ATG13: variants seen among roughly 807,000 people sequenced by gnomAD.
ATG13 encodes the protein autophagy related 13.
Under a neutral mutation model 65.5 loss-of-function variants are expected in ATG13, and 23 were observed. The observed-to-expected ratio is 0.35, with a 90% confidence interval of 0.25 to 0.50. ATG13 has a LOEUF of 0.50. ATG13 is among the 20% of genes least tolerant of loss of function. The probability of loss-of-function intolerance (pLI) is 0.98; values close to 1 mark genes in which losing one functional copy is unlikely to be tolerated. For synonymous variants in ATG13, 252 were observed against 245.2 expected (o/e 1.03, Z -0.26); for missense variants, 566 against 677.0 (o/e 0.84, Z 1.82).
At chr11:46,622,121 A>ATTTATT (rs1163406451) in intron 1 of ATG13, among the ~76,000 whole-genome samples, 1 of 81,362 alleles carries the variant, frequency 1.2e-5, no homozygotes, top group African/African-American at 5.8e-5. Flanking sequence ...ATATATATAT[A>ATTTATT]TATATATTTA....
chr11:46,624,092 C>T (rs1317706663), intron 1 of ATG13, among the ~76,000 whole-genome samples: 1 of 151,884 alleles, frequency 6.6e-6, no homozygotes, highest in African/African-American at 2.4e-5. Flanking sequence ...GCAACCTCCA[C>T]CTCCTGGGTT....
At chr11:46,646,995 A>C (rs1257014279) in intron 5 of ATG13, among the ~76,000 whole-genome samples, 1 of 151,648 alleles carries the variant, frequency 6.6e-6, no homozygotes. Context: ...CCTGAGCTCA[A>C]GCGATCTGCC....
chr11:46,625,071 T>C (rs1287238025), intron 1 of ATG13, among the ~76,000 whole-genome samples: 1 of 151,304 alleles, frequency 6.6e-6, no homozygotes, highest in Non-Finnish European at 1.5e-5. Flanking sequence ...CCTGTAATCC[T>C]AATCCCAACA....
intron 10 of ATG13, 151 bp downstream of exon 10, chr11:46,657,773 C>G: frequency 3.1e-6 from 2 of 643,036 alleles, no homozygotes; most frequent in East Asian, 2.9e-5. Flanking sequence ...TCAAATGGGC[C>G]AGTTTCCCTT....
chr11:46,655,227 G>A (rs1592023517), intron 7 of ATG13, among the ~76,000 whole-genome samples: 1 of 152,112 alleles, frequency 6.6e-6, no homozygotes, highest in East Asian at 1.9e-4. Flanking sequence ...GCGAAAACCC[G>A]TCTCTACTAA....
intron 7 of ATG13, 129 bp from the exon 8 acceptor site, chr11:46,656,104 C>T: frequency 2.7e-6 from 2 of 728,288 alleles, no homozygotes; most frequent in Non-Finnish European, 2.3e-6. Flanking sequence ...TACTAATGCT[C>T]CATCAGCAGA....
intron 11 of ATG13, among the ~76,000 whole-genome samples, chr11:46,661,517 CA>C (rs61349471): frequency 0.077 from 8,172 of 106,530 alleles, 698 homozygotes; most frequent in African/African-American, 0.3. Context: ...GACTCCGTCT[CA>C]AAAAAAAAAA....
rs2064050696 is a variant in ATG13 at position 46,672,810 on chromosome 11, T to A, written c.*478T>A. The A allele has an allele frequency of 1.5e-6, 2 of 1,303,036 alleles. No homozygotes were observed. Among genetic ancestry groups the A allele is most frequent in the African/African-American group, 3.0e-5 (2 of 66,454 alleles). 80.7% of individuals were successfully genotyped at this position (1,303,036 alleles called of 1,614,324 possible). ...AGTGCCAGGAGGAAGAAGGAAGGAG[T>A]CCCTTAGCTCTCTTCATTGTCCCCT... is the stretch of plus-strand genomic sequence containing the variant. On this transcript the variant is annotated 3_prime_UTR_variant, in exon 19 of 19. Coordinates refer to ENST00000683050, the MANE Select transcript of ATG13 (RefSeq NM_001346311.2).
In ATG13 at chr11:46,659,457, CCT is replaced by C. The variant is rs752815043; in HGVS notation, c.764_765del (p.Ser255PhefsTer60). On this transcript the variant is annotated frameshift_variant, in exon 11 of 19. Transcript: ENST00000683050. LOFTEE classifies it high-confidence loss of function. ...GAAGACTCTCAAGAAGTGTGTACCA[CCT>C]CTTTTTCCACCTCCCCACCATCCCA... The C allele has an allele frequency of 6.2e-7, 1 of 1,614,052 alleles. No homozygotes were observed. Among genetic ancestry groups the C allele is most frequent in the Admixed American group, 1.7e-5 (1 of 60,026 alleles).
chr11:46,658,645 C>T (rs1432699891), intron 10 of ATG13, among the ~76,000 whole-genome samples: 4 of 151,600 alleles, frequency 2.6e-5, no homozygotes, highest in South Asian at 2.1e-4. Flanking sequence ...AAACAGTTCT[C>T]CTGCCTGAGC....
At chr11:46,656,582 G>A (rs2060089038) in intron 8 of ATG13, among the ~76,000 whole-genome samples, 1 of 152,176 alleles carries the variant, frequency 6.6e-6, no homozygotes, top group African/African-American at 2.4e-5. Context: ...TGAAAAATTG[G>A]AAATGAAACC....
In ATG13 at chr11:46,622,110, TA is replaced by T. The variant is rs1565398350; in HGVS notation, c.-70+4221del. Among the ~76,000 whole-genome samples the T allele has an allele frequency of 4.2e-4, 39 of 93,756 alleles. 1 individual carries two copies. Among genetic ancestry groups the T allele is most frequent in the African/African-American group, 1.4e-3 (34 of 23,630 alleles). The allele number at this position is 93,756 out of a possible 152,430, so 61.5% of individuals were successfully genotyped here. Reference sequence around the variant, plus strand: ...ATATATATATATATATATATATATATATATATATATATATATATTTATTTTA... The same window carrying T: ...ATATATATATATATATATATATATATTATATATATATATATATTTATTTTA... On this transcript the variant is annotated intron_variant, in intron 1 of 18. Coordinates refer to ENST00000683050, the MANE Select transcript of ATG13 (RefSeq NM_001346311.2).
rs969092453 is a variant in ATG13 at position 46,664,223 on chromosome 11, T to C, written c.888+128T>C. The C allele has an allele frequency of 9.8e-6, 7 of 714,150 alleles. No individual in the cohort carries two copies. The African/African-American group carries it at 1.3e-4, about 13-fold the overall frequency. The allele number at this position is 714,150 out of a possible 1,614,324, so 44.2% of individuals were successfully genotyped here. ...TCTGTGGGATTATTTTGAGGCTTGG[T>C]AATAGATTTTAATAGGACACAGCCA... On this transcript the variant is annotated intron_variant, in intron 12 of 18. Transcript: ENST00000683050.
intron 1 of ATG13, among the ~76,000 whole-genome samples, chr11:46,627,344 A>C (rs2050038722): frequency 6.6e-6 from 1 of 152,078 alleles, no homozygotes; most frequent in South Asian, 2.1e-4. Context: ...GCACCACTGC[A>C]CTCCATCCAG....
intron 6 of ATG13, among the ~76,000 whole-genome samples, 165 bp from the exon 7 acceptor site, chr11:46,650,012 G>A (rs1044113632): frequency 1.3e-5 from 2 of 152,152 alleles, no homozygotes; most frequent in Admixed American, 1.3e-4. Flanking sequence ...ATTTGCCTGT[G>A]TCTAGTACAT....
Position 46,647,293 on chromosome 11 carries a change from G to GT in ATG13, c.270+1316dup, listed in dbSNP as rs1174804865. On this transcript the variant is annotated intron_variant, in intron 5 of 18. Coordinates refer to ENST00000683050, the MANE Select transcript of ATG13 (RefSeq NM_001346311.2). ...TTTGTTTTTTTTGTTTTTTTTTTTT[G>GT]TTTTTTTTTTTTGAGACAGAGTCGC... Among the ~76,000 whole-genome samples the GT allele has an allele frequency of 4.4e-3, 482 of 108,848 alleles. 8 individuals are homozygous for GT. Among genetic ancestry groups the GT allele is most frequent in the African/African-American group, 0.014 (401 of 29,418 alleles). 71.4% of individuals were successfully genotyped at this position (108,848 alleles called of 152,430 possible).
At chr11:46,657,402 T>G in intron 9 of ATG13, 122 bp from the exon 10 acceptor site, 1 of 1,047,590 alleles carries the variant, frequency 9.5e-7, no homozygotes, top group Non-Finnish European at 1.5e-6. Context: ...TATTTAGGGA[T>G]TGTGATAGTT....
At chr11:46,658,371 A>G (rs2060448989) in intron 10 of ATG13, among the ~76,000 whole-genome samples, 2 of 152,152 alleles carry the variant, frequency 1.3e-5, no homozygotes, top group Admixed American at 1.3e-4. Context: ...GAAAACCCAG[A>G]TGTGGCTCCA....
At chr11:46,660,386 G>GTTTTTTTTTTTTTTTCTTTTTTTTTTTT (rs34196614) in intron 11 of ATG13, among the ~76,000 whole-genome samples, 1 of 131,142 alleles carries the variant, frequency 7.6e-6, no homozygotes, top group Non-Finnish European at 1.6e-5. Flanking sequence ...GTTGTTGTTG[G>GTTTTTTTTTTTTTTTCTTTTTTTTTTTT]TTTTTTTTTT....
Sources: gnomAD v4.1 joint callset for allele counts (sites outside exome capture counted in the v4.1 genomes callset) on GRCh38, gnomAD v4.1.1 for gene constraint, MANE v1.5 for transcripts, NCBI Gene and HGNC (gene_info 2026-07-23, HGNC 2026-07-21) for gene names.